The following MCPH1 variants were observed in gnomAD, a reference collection of about 807,000 sequenced individuals.
The protein encoded by MCPH1 is microcephalin 1.
MCPH1 carries 104 observed loss-of-function variants against 84.5 expected under a neutral mutation model. That is an observed-to-expected ratio of 1.23 (90% CI 1.05 to 1.45). The LOEUF (loss-of-function observed/expected upper bound fraction) is 1.45. Among genes scored for constraint, MCPH1 ranks in the 40% most tolerant of loss-of-function variants. The pLI is 0.00. For missense variants in MCPH1, 1,498 were observed against 1,005.7 expected, an observed-to-expected ratio of 1.49 and a Z score of -6.62; for synonymous variants, 514 against 366.8, an observed-to-expected ratio of 1.40 and a Z score of -4.58.
intron 11 of MCPH1, among the ~76,000 whole-genome samples, chr8:6,493,175 G>A (rs1586093473): frequency 6.6e-6 from 1 of 152,228 alleles, no homozygotes; most frequent in South Asian, 2.1e-4. Flanking sequence ...GACTTCACAT[G>A]TGAGTACAGT....
At chr8:6,506,914 T>G (rs76922110) in intron 12 of MCPH1, among the ~76,000 whole-genome samples, 1 of 152,184 alleles carries the variant, frequency 6.6e-6, no homozygotes, top group Non-Finnish European at 1.5e-5. Context: ...TTTTTTTTTT[T>G]GAGACGGAGT....
chr8:6,442,229 C>G lies in MCPH1; in HGVS notation c.670+73C>G. The G allele has an allele frequency of 1.4e-5, 13 of 936,904 alleles. 1 individual carries two copies. The Middle Eastern group carries it at 2.3e-3, about 167-fold the overall frequency. The allele number at this position is 936,904 out of a possible 1,614,324, so 58.0% of individuals were successfully genotyped here. A position where few individuals can be genotyped will look rare whatever the true frequency, so the allele number is the denominator to read the frequency against. On this transcript the variant is annotated intron_variant, in intron 7 of 13. Coordinates refer to ENST00000344683, the MANE Select transcript of MCPH1 (RefSeq NM_024596.5). ...AATATGATTTTCTGATTTAGAATTTCATGTAGCAACTTCTGATGAGTAAAA... is the reference window on the plus strand; with the variant it reads ...AATATGATTTTCTGATTTAGAATTTGATGTAGCAACTTCTGATGAGTAAAA...
At chr8:6,536,097 T>A (rs548644242) in intron 12 of MCPH1, among the ~76,000 whole-genome samples, 2 of 152,058 alleles carry the variant, frequency 1.3e-5, no homozygotes, top group Non-Finnish European at 2.9e-5. Flanking sequence ...AAAATACTTA[T>A]GTTCTTACTC....
chr8:6,437,903 G>A (rs978690506), intron 5 of MCPH1, among the ~76,000 whole-genome samples: 2 of 152,090 alleles, frequency 1.3e-5, no homozygotes, highest in African/African-American at 4.8e-5. Context: ...GCCCTCCACT[G>A]TCTCCTTACA....
chr8:6,490,261 T>A (rs1412136984), intron 11 of MCPH1, among the ~76,000 whole-genome samples: 1 of 152,226 alleles, frequency 6.6e-6, no homozygotes, highest in African/African-American at 2.4e-5. Context: ...AAATATTAAA[T>A]AATAGCACAG....
intron 11 of MCPH1, among the ~76,000 whole-genome samples, chr8:6,490,486 T>C (rs972407713): frequency 1.3e-5 from 2 of 152,200 alleles, no homozygotes; most frequent in African/African-American, 4.8e-5. Flanking sequence ...TCTCTTACAG[T>C]CTGTGTGTAA....
intron 12 of MCPH1, among the ~76,000 whole-genome samples, chr8:6,538,435 C>G (rs549794594): frequency 2.6e-5 from 4 of 152,206 alleles, no homozygotes; most frequent in Non-Finnish European, 5.9e-5. Flanking sequence ...CCGCAGCTCA[C>G]TTTCTTCCCT....
chr8:6,459,278 T>TTTTGTTTGTTTG (rs113482702), intron 9 of MCPH1, among the ~76,000 whole-genome samples: 157 of 151,662 alleles, frequency 1.0e-3, no homozygotes, highest in African/African-American at 2.7e-3. Context: ...ACACGGCCTT[T>TTTTGTTTGTTTG]TTTGTTTGTT....
At chr8:6,477,451 G>A in intron 9 of MCPH1, 143 bp from the exon 10 acceptor site, 1 of 699,180 alleles carries the variant, frequency 1.4e-6, no homozygotes, top group Non-Finnish European at 2.4e-6. Flanking sequence ...GGAATATAAA[G>A]GTTTTTTTTC....
At position 6,582,697 on chromosome 8, in the gene MCPH1, T is replaced by A. The variant is rs540371571; in HGVS notation, c.2215-38757T>A. 8.5e-5 allele frequency among the ~76,000 whole-genome samples: 13 copies of A among 152,316 alleles called. No homozygotes were observed. In the South Asian group the frequency reaches 2.7e-3, roughly 32 times the overall value. On this transcript the variant is annotated intron_variant, in intron 12 of 13. Coordinates refer to ENST00000344683, the MANE Select transcript of MCPH1 (RefSeq NM_024596.5). ...TGCCTTCCCCGTCCAAGGAAACCAC[T>A]GTCTGGAATCCTTCGTCATTCAAGC...
intron 3 of MCPH1, among the ~76,000 whole-genome samples, chr8:6,419,993 G>A (rs534629625): frequency 2.0e-5 from 3 of 151,536 alleles, no homozygotes; most frequent in East Asian, 1.9e-4. Context: ...TGGCCAGAGC[G>A]TCCTCTTCTG....
chr8:6,496,539 G>T (rs1414087216), intron 11 of MCPH1, among the ~76,000 whole-genome samples: 4 of 104,682 alleles, frequency 3.8e-5, no homozygotes, highest in African/African-American at 2.3e-4. Flanking sequence ...CCCTTCCCCC[G>T]CCTTTTTCCT....
chr8:6,414,916 A>G (rs960456670), intron 3 of MCPH1, 33 bp downstream of exon 3: 1 of 1,605,908 alleles, frequency 6.2e-7, no homozygotes, highest in African/African-American at 1.3e-5. Flanking sequence ...TTTTTCCTTA[A>G]GTATCTAGTA....
chr8:6,461,589 C>T (rs1187090008), intron 9 of MCPH1, among the ~76,000 whole-genome samples: 1 of 152,028 alleles, frequency 6.6e-6, no homozygotes, highest in African/African-American at 2.4e-5. Flanking sequence ...ATGTGCCCGC[C>T]TCAGCCTCCC....
chr8:6,572,851 C>T (rs1826774453), intron 12 of MCPH1, among the ~76,000 whole-genome samples: 1 of 152,212 alleles, frequency 6.6e-6, no homozygotes, highest in African/African-American at 2.4e-5. Context: ...GAGGGAGCCC[C>T]CACACGGGAA....
At chr8:6,570,816 T>G (rs984719071) in intron 12 of MCPH1, among the ~76,000 whole-genome samples, 8 of 150,872 alleles carry the variant, frequency 5.3e-5, no homozygotes, top group Admixed American at 1.3e-4. Context: ...TTTTTTTTTT[T>G]TTTTTTTTTT....
intron 9 of MCPH1, among the ~76,000 whole-genome samples, chr8:6,464,170 C>G (rs900371608): frequency 6.6e-6 from 1 of 152,130 alleles, no homozygotes; most frequent in Non-Finnish European, 1.5e-5. Flanking sequence ...TCTGTAAGAT[C>G]GAAGGTGCCC....
At chr8:6,612,886 GT>G (rs1291035041) in intron 12 of MCPH1, among the ~76,000 whole-genome samples, 1 of 152,222 alleles carries the variant, frequency 6.6e-6, no homozygotes, top group African/African-American at 2.4e-5. Context: ...AAGAAGTTTT[GT>G]TACAAAAAGA....
intron 12 of MCPH1, among the ~76,000 whole-genome samples, chr8:6,593,462 C>A (rs1266468112): frequency 6.6e-6 from 1 of 152,172 alleles, no homozygotes; most frequent in African/African-American, 2.4e-5. Flanking sequence ...TCAAGTGATT[C>A]TCCTGCCTCA....
Sources: allele counts gnomAD v4.1 joint callset (sites outside exome capture counted in the v4.1 genomes callset), GRCh38; gene constraint gnomAD v4.1.1; transcripts MANE v1.5; gene names NCBI Gene and HGNC (gene_info 2026-07-23, HGNC 2026-07-21).